Variants in CTNNA3 observed in about 807,000 individuals in gnomAD.
CTNNA3 encodes catenin alpha-3.
In CTNNA3, 76 loss-of-function variants were observed where a neutral mutation model predicts 95.7. That is an observed-to-expected ratio of 0.79 (90% CI 0.66 to 0.96). CTNNA3 has a LOEUF of 0.96. Among genes scored for constraint, CTNNA3 ranks in the 40% least tolerant of loss-of-function variants. The pLI, the probability that CTNNA3 is intolerant of heterozygous loss-of-function variation, is 0.00. For missense variants in CTNNA3, 1,191 were observed against 1,089.8 expected (o/e 1.09, Z -1.31); for synonymous variants, 431 against 374.4 (o/e 1.15, Z -1.74).
intron 9 of CTNNA3, among the ~76,000 whole-genome samples, chr10:66,755,411 C>T (rs1025540755): frequency 7.2e-5 from 11 of 151,834 alleles, no homozygotes; most frequent in East Asian, 5.8e-4. Flanking sequence ...TGGAAACAAT[C>T]GAAATGAGTG....
chr10:66,134,914 ATAT>A (rs1023687298), intron 13 of CTNNA3, among the ~76,000 whole-genome samples: 5 of 152,154 alleles, frequency 3.3e-5, no homozygotes, highest in African/African-American at 1.2e-4. Flanking sequence ...TTGGTTGGAA[ATAT>A]TATAACAAAA....
chr10:66,450,904 A>G (rs1338159663), intron 11 of CTNNA3, among the ~76,000 whole-genome samples: 1 of 152,194 alleles, frequency 6.6e-6, no homozygotes, highest in Non-Finnish European at 1.5e-5. Flanking sequence ...AAAGTAACAT[A>G]AGACTACAAA....
At chr10:66,056,472 G>T (rs905283795) in intron 15 of CTNNA3, among the ~76,000 whole-genome samples, 5 of 152,028 alleles carry the variant, frequency 3.3e-5, no homozygotes, top group Non-Finnish European at 5.9e-5. Flanking sequence ...GTTCATCAGA[G>T]GTATTGGCCT....
chr10:66,326,359 C>A (rs373212594), intron 12 of CTNNA3, among the ~76,000 whole-genome samples: 3 of 151,974 alleles, frequency 2.0e-5, no homozygotes, highest in African/African-American at 7.2e-5. Flanking sequence ...TGATGCTACT[C>A]GACATTTGGC....
rs568707066 is a variant in CTNNA3, at chr10:66,717,375, C to T, written c.1281+48889G>A. 3.3e-5 allele frequency among the ~76,000 whole-genome samples: 5 copies of T among 152,132 alleles called. No homozygotes were observed. The East Asian group carries it at 5.8e-4, about 18-fold the overall frequency. ...CTTATCTTTATACCTTCTGATAGCACGTTGGACAAACCACGGTTTCTAGAA... is the reference window on the plus strand; with the variant it reads ...CTTATCTTTATACCTTCTGATAGCATGTTGGACAAACCACGGTTTCTAGAA... On this transcript the variant is annotated intron_variant, in intron 9 of 17. Coordinates refer to ENST00000433211, the MANE Select transcript of CTNNA3 (RefSeq NM_013266.4).
chr10:67,292,454 T>C (rs1839876554), intron 5 of CTNNA3, among the ~76,000 whole-genome samples: 2 of 152,126 alleles, frequency 1.3e-5, no homozygotes, highest in Non-Finnish European at 2.9e-5. Context: ...TTCTCCACAA[T>C]TTCATGTAAA....
chr10:67,749,365 C>G (rs1370406263), intron 1 of CTNNA3, among the ~76,000 whole-genome samples: 1 of 152,216 alleles, frequency 6.6e-6, no homozygotes, highest in African/African-American at 2.4e-5. Context: ...ATACATTCTT[C>G]TCAGTGCCAC....
intron 2 of CTNNA3, among the ~76,000 whole-genome samples, chr10:67,630,420 G>A (rs1442939225): frequency 6.6e-6 from 1 of 152,182 alleles, no homozygotes; most frequent in African/African-American, 2.4e-5. Context: ...GTTGAGATAA[G>A]TCTATATTAG....
intron 9 of CTNNA3, among the ~76,000 whole-genome samples, chr10:66,710,864 T>A (rs1002935547): frequency 1.3e-5 from 2 of 152,034 alleles, no homozygotes; most frequent in African/African-American, 4.8e-5. Context: ...ACAATTACAG[T>A]TTTGTAATTC....
At chr10:66,411,389 C>A (rs974290094) in intron 11 of CTNNA3, among the ~76,000 whole-genome samples, 1 of 151,816 alleles carries the variant, frequency 6.6e-6, no homozygotes, top group African/African-American at 2.4e-5. Context: ...GTTTTTCCTT[C>A]TGGTACATAA....
At chr10:66,086,467 A>G (rs1589362690) in intron 14 of CTNNA3, among the ~76,000 whole-genome samples, 1 of 152,126 alleles carries the variant, frequency 6.6e-6, no homozygotes, top group South Asian at 2.1e-4. Context: ...GTTCTTAAGC[A>G]TGGGCTTTCA....
intron 9 of CTNNA3, among the ~76,000 whole-genome samples, chr10:66,707,684 T>C (rs953066183): frequency 1.3e-5 from 2 of 151,998 alleles, no homozygotes; most frequent in Non-Finnish European, 2.9e-5. Context: ...AGAGTACCAA[T>C]TTCTTGGGTG....
chr10:67,427,724 T>C (rs1224353946), intron 5 of CTNNA3, among the ~76,000 whole-genome samples: 2 of 152,102 alleles, frequency 1.3e-5, no homozygotes, highest in African/African-American at 4.8e-5. Context: ...AACTAGACAG[T>C]GAGCTGGGGG....
intron 6 of CTNNA3, among the ~76,000 whole-genome samples, chr10:67,195,131 AG>A (rs1422306168): frequency 1.3e-5 from 2 of 152,032 alleles, no homozygotes. Context: ...GTCCATTTAA[AG>A]GGGCTCCTAC....
chr10:66,705,460 G>A (rs1372717752), intron 9 of CTNNA3, among the ~76,000 whole-genome samples: 1 of 151,886 alleles, frequency 6.6e-6, no homozygotes, highest in Non-Finnish European at 1.5e-5. Context: ...TTAAATGTTT[G>A]GTAGAATTCA....
At chr10:67,678,972 A>C (rs978075166) in intron 1 of CTNNA3, among the ~76,000 whole-genome samples, 13 of 152,332 alleles carry the variant, frequency 8.5e-5, no homozygotes, top group African/African-American at 2.9e-4. Flanking sequence ...ATTAACAAGT[A>C]ATAGAGAGAA....
At chr10:66,008,333 C>T (rs1210632586) in intron 15 of CTNNA3, among the ~76,000 whole-genome samples, 1 of 152,192 alleles carries the variant, frequency 6.6e-6, no homozygotes, top group Non-Finnish European at 1.5e-5. Flanking sequence ...TGCTGAATAA[C>T]TTCTTTGCCA....
intron 7 of CTNNA3, among the ~76,000 whole-genome samples, chr10:66,945,988 T>A (rs186582118): frequency 2.0e-5 from 3 of 152,254 alleles, no homozygotes; most frequent in Admixed American, 2.0e-4. Context: ...CAGATCACCA[T>A]AATAGATATA....
chr10:67,077,817 GAATT>G (rs1350374869), intron 7 of CTNNA3, among the ~76,000 whole-genome samples: 3 of 151,908 alleles, frequency 2.0e-5, no homozygotes, highest in Admixed American at 1.3e-4. Context: ...TTAAATGAAT[GAATT>G]AATAAAGAGA....
Sources: allele counts gnomAD v4.1 joint callset (sites outside exome capture counted in the v4.1 genomes callset), GRCh38; gene constraint gnomAD v4.1.1; transcripts MANE v1.5; gene names NCBI Gene and HGNC (gene_info 2026-07-23, HGNC 2026-07-21).